Variants in PRKCSH observed in about 807,000 individuals in gnomAD.
PRKCSH encodes PRKCSH beta subunit of glucosidase II.
Under a neutral mutation model 79.7 loss-of-function variants are expected in PRKCSH, and 42 were observed. That is an observed-to-expected ratio of 0.53 (90% confidence interval 0.41 to 0.68). The LOEUF is 0.68. Among genes scored for constraint, PRKCSH ranks in the 30% least tolerant of loss-of-function variants. The pLI, the probability that PRKCSH is intolerant of heterozygous loss-of-function variation, is 0.00. For missense variants in PRKCSH, 686 were observed against 709.0 expected, an observed-to-expected ratio of 0.97 and a Z score of 0.37; for synonymous variants, 325 against 288.2, an observed-to-expected ratio of 1.13 and a Z score of -1.29.
intron 5 of PRKCSH, among the ~76,000 whole-genome samples, chr19:11,440,038 A>G (rs1969982954): frequency 6.6e-6 from 1 of 151,808 alleles, no homozygotes; most frequent in Non-Finnish European, 1.5e-5. Flanking sequence ...TGAGCTAAAA[A>G]GTAAAAAAAA....
Position 11,447,034 on chromosome 19 carries a change from G to A in PRKCSH, c.763-40G>A, listed in dbSNP as rs753760259. On this transcript the variant is annotated intron_variant, in intron 9 of 17. Transcript: ENST00000677123. This position sits in a 1 kb window ranked among gnomAD's most constrained non-coding sequence, Gnocchi z 5.6. ...CCGGGGTGGCCGAGATGGGGGACAC[G>A]TGGTGGCCTAGATCTTGACACCACC... The A allele has an allele frequency of 5.1e-5, 82 of 1,600,852 alleles. No individual in the cohort carries two copies. Among genetic ancestry groups the A allele is most frequent in the Non-Finnish European group, 6.8e-5 (79 of 1,168,272 alleles).
rs142585915 is a variant in PRKCSH, at chr19:11,446,973, C to T, written c.763-101C>T. 3,456 of 1,297,340 alleles carry T rather than the reference C, an allele frequency of 2.7e-3. 7 individuals are homozygous for T. The highest frequency in any genetic ancestry group is 3.6e-3 in the Non-Finnish European group (3,202 of 894,264). The allele number at this position is 1,297,340 out of a possible 1,614,324, so 80.4% of individuals were successfully genotyped here. The stretch of plus-strand genomic sequence containing the variant: ...CTGGCCTGGTCATCAGGGCCCGGGG[C>T]CCAGCCCTCCCGTGCCTGGCACCGC... On this transcript the variant is annotated intron_variant, in intron 9 of 17. Transcript: ENST00000677123.
intron 9 of PRKCSH, 77 bp from the exon 10 acceptor site, chr19:11,446,974 CCAGCCCTCCCGTGCCTGGCACCG>C: frequency 1.5e-6 from 2 of 1,316,130 alleles, no homozygotes; most frequent in Middle Eastern, 1.8e-4. Context: ...GGCCCGGGGC[CCAGCCCTCCCGTGCCTGGCACCG>C]CAGCCCGGGT....
At chr19:11,444,489 G>T (rs1970203879) in intron 7 of PRKCSH, among the ~76,000 whole-genome samples, 1 of 152,126 alleles carries the variant, frequency 6.6e-6, no homozygotes, top group Non-Finnish European at 1.5e-5. Context: ...AGTGTCAGCC[G>T]GGTCTCCTGG....
chr19:11,450,165 G>T (rs187409401), intron 17 of PRKCSH, among the ~76,000 whole-genome samples: 4 of 149,434 alleles, frequency 2.7e-5, no homozygotes, highest in South Asian at 2.3e-4. Context: ...TTTAAAAAAA[G>T]ATTTTTTTAC....
chr19:11,438,223 C>G (rs1259925689), intron 5 of PRKCSH, 99 bp downstream of exon 5: 5 of 1,338,214 alleles, frequency 3.7e-6, no homozygotes, highest in Non-Finnish European at 5.3e-6. Context: ...TTTTCTGTAT[C>G]GGGTTCTCTG....
rs1970052445 is a variant in PRKCSH, at chr19:11,441,344, GGGA to G, written c.460_462del (p.Glu154del). 3 of 1,613,764 alleles carry G rather than the reference GGGA, an allele frequency of 1.9e-6. No homozygotes were observed. Among genetic ancestry groups the G allele is most frequent in the African/African-American group, 2.7e-5 (2 of 74,930 alleles). On this transcript the variant is annotated inframe_deletion, in exon 6 of 18. Coordinates refer to ENST00000677123, the MANE Select transcript of PRKCSH (RefSeq NM_001289104.2). ...CTTATTGAGGACTGGAAGAAGGCAC[GGGA>G]GGAGAAGCAGGTAAGGAACCCGCGG...
chr19:11,446,503 G>A (rs533049225), intron 9 of PRKCSH, among the ~76,000 whole-genome samples, 153 bp downstream of exon 9: 7 of 152,102 alleles, frequency 4.6e-5, no homozygotes, highest in East Asian at 1.9e-4. Context: ...GCCGCTTCCC[G>A]CCTGGCAGGA....
chr19:11,446,972 G>C, intron 9 of PRKCSH, 102 bp from the exon 10 acceptor site: 1 of 1,285,912 alleles, frequency 7.8e-7, no homozygotes, highest in Non-Finnish European at 1.1e-6. Context: ...AGGGCCCGGG[G>C]CCCAGCCCTC....
rs1220388184 is a variant in PRKCSH at position 11,436,023 on chromosome 19, T to A, written c.-77-18T>A. The stretch of plus-strand genomic sequence containing the variant: ...AGTAGCCCTCTCCCACTGACCGGGA[T>A]CCGCTTTCTTCCTGCAGCGTGAAGA... On this transcript the variant is annotated intron_variant, in intron 1 of 17. Transcript: ENST00000677123. 1 of 1,527,426 alleles carries A rather than the reference T, an allele frequency of 6.5e-7. No homozygotes were observed. Among genetic ancestry groups the A allele is most frequent in the Admixed American group, 1.7e-5 (1 of 59,894 alleles). The allele number at this position is 1,527,426 out of a possible 1,614,324, so 94.6% of individuals were successfully genotyped here.
At chr19:11,446,018 G>C (rs958685474) in intron 8 of PRKCSH, among the ~76,000 whole-genome samples, 5 of 152,074 alleles carry the variant, frequency 3.3e-5, no homozygotes, top group African/African-American at 1.2e-4. Flanking sequence ...TGCCACCTGG[G>C]TGAGTTGGTA....
intron 6 of PRKCSH, among the ~76,000 whole-genome samples, chr19:11,441,833 C>T (rs977085875): frequency 8.5e-5 from 13 of 152,180 alleles, no homozygotes; most frequent in Admixed American, 1.3e-4. Flanking sequence ...GGCTGGAAAC[C>T]GACCTGGATT....
rs532411828 is a variant in PRKCSH, at chr19:11,447,947, C to T, written c.1126+158C>T. On this transcript the variant is annotated intron_variant, in intron 12 of 17. Coordinates refer to ENST00000677123, the MANE Select transcript of PRKCSH (RefSeq NM_001289104.2). This position sits in a 1 kb window ranked among gnomAD's most constrained non-coding sequence, Gnocchi z 5.6. The stretch of plus-strand genomic sequence containing the variant: ...TCCAGGAAGGGGGCCTAGGGTAAGC[C>T]AGTCCCACCCTCGCCAGCCCCAAGG... 1.3e-5 allele frequency: 12 copies of T among 930,412 alleles called. No individual in the cohort carries two copies. The highest frequency in any genetic ancestry group is 1.9e-5 in the Non-Finnish European group (12 of 632,550). 57.6% of individuals were successfully genotyped at this position (930,412 alleles called of 1,614,324 possible). A position where few individuals can be genotyped will look rare whatever the true frequency, so the allele number is the denominator to read the frequency against.
rs1970445590 is a variant in PRKCSH, at chr19:11,448,751, C to T, written c.1286+122C>T. ...TGCGGGTGGGGCCCGAGAGTGCTGC[C>T]TTCCATATTGAGGGGGAGCAGAAGC... On this transcript the variant is annotated intron_variant, in intron 14 of 17. Transcript: ENST00000677123. The surrounding 1 kb of genome is among the most constrained non-coding windows in gnomAD (Gnocchi z 4.4). 1.5e-6 allele frequency: 2 copies of T among 1,320,348 alleles called. No individual in the cohort carries two copies. The highest frequency in any genetic ancestry group is 2.2e-6 in the Non-Finnish European group (2 of 919,910). 81.8% of individuals were successfully genotyped at this position (1,320,348 alleles called of 1,614,324 possible).
rs189520103 is a variant in PRKCSH, at chr19:11,436,382, C to T, written c.80-7C>T. 2 of 1,613,646 alleles carry T rather than the reference C, an allele frequency of 1.2e-6. No individual in the cohort carries two copies. Among genetic ancestry groups the T allele is most frequent in the African/African-American group, 1.3e-5 (1 of 75,020 alleles). On this transcript the variant is annotated splice_region_variant and splice_polypyrimidine_tract_variant and intron_variant, in intron 2 of 17. Coordinates refer to ENST00000677123, the MANE Select transcript of PRKCSH (RefSeq NM_001289104.2). ...CTGCCCTGGGCTGAGCTTCCTGTAC[C>T]CCGCAGATCATCACTTCTACGATGA...
chr19:11,440,082 G>C (rs115129382), intron 5 of PRKCSH, among the ~76,000 whole-genome samples: 3,339 of 151,706 alleles, frequency 0.022, 147 homozygotes, highest in African/African-American at 0.077. Context: ...TCAGTTGTTG[G>C]CAGATGGTGT....
chr19:11,443,787 A>G (rs779177004), intron 7 of PRKCSH, among the ~76,000 whole-genome samples: 24 of 151,362 alleles, frequency 1.6e-4, no homozygotes, highest in Non-Finnish European at 3.2e-4. Flanking sequence ...TAGTTTATTT[A>G]TTTTTGAGAT....
In PRKCSH at chr19:11,442,258, G is replaced by A. The variant is rs921846630; in HGVS notation, c.469-128G>A. 6 of 1,379,958 alleles carry A rather than the reference G, an allele frequency of 4.3e-6. No individual in the cohort carries two copies. The African/African-American group carries it at 8.7e-5, about 20-fold the overall frequency. 85.5% of individuals were successfully genotyped at this position (1,379,958 alleles called of 1,614,324 possible). ...CTACAGGGAACCCCAGCTCGGGAGA[G>A]AGACCCAGCTTGGTGTGTGTTTTGG... On this transcript the variant is annotated intron_variant, in intron 6 of 17. Coordinates refer to ENST00000677123, the MANE Select transcript of PRKCSH (RefSeq NM_001289104.2).
In PRKCSH at chr19:11,448,991, G is replaced by A. The variant is rs1298229936; in HGVS notation, c.1361+3G>A. 3 of 1,613,876 alleles carry A rather than the reference G, an allele frequency of 1.9e-6. No homozygotes were observed. Among genetic ancestry groups the A allele is most frequent in the Non-Finnish European group, 2.5e-6 (3 of 1,180,020 alleles). ...GGGGGCTCTCCCACCAGCCTTGGGT[G>A]AGTGGCTTGGGCTGGCCCCTTCCCT... On this transcript the variant is annotated splice_donor_region_variant and intron_variant, in intron 15 of 17. Transcript: ENST00000677123. The surrounding 1 kb of genome is among the most constrained non-coding windows in gnomAD (Gnocchi z 4.4).
Sources: gnomAD v4.1 joint callset for allele counts (sites outside exome capture counted in the v4.1 genomes callset) on GRCh38, gnomAD v4.1.1 for gene constraint, Gnocchi (gnomAD v3.1) non-coding constraint, MANE v1.5 for transcripts, NCBI Gene and HGNC (gene_info 2026-07-23, HGNC 2026-07-21) for gene names.